Variants in FBXW11 observed in about 807,000 individuals in gnomAD.
FBXW11 encodes F-box/WD repeat-containing protein 11.
A neutral mutation model predicts 77.6 loss-of-function variants in FBXW11; 19 were observed. That is an observed-to-expected ratio of 0.24 (90% CI 0.17 to 0.36). FBXW11 has a LOEUF of 0.36. Among genes scored for constraint, FBXW11 ranks in the 10% least tolerant of loss-of-function variants. FBXW11 has a pLI of 1.00. For synonymous variants in FBXW11, 235 were observed against 249.4 expected (o/e 0.94, Z 0.54); for missense variants, 334 against 704.2 (o/e 0.47, Z 5.95).
chr5:171,939,323 A>C (rs1379860387), intron 2 of FBXW11, among the ~76,000 whole-genome samples: 1 of 152,222 alleles, frequency 6.6e-6, no homozygotes, highest in African/African-American at 2.4e-5. Context: ...ATCATACTTA[A>C]TGGAAGAGGG....
At chr5:171,982,137 TTAAAA>T (rs1435524125) in intron 1 of FBXW11, among the ~76,000 whole-genome samples, 2 of 152,206 alleles carry the variant, frequency 1.3e-5, no homozygotes, top group African/African-American at 4.8e-5. Flanking sequence ...AACAGTACAC[TTAAAA>T]TGAGTGGATT....
At chr5:171,988,654 G>A (rs1210161551) in intron 1 of FBXW11, among the ~76,000 whole-genome samples, 2 of 152,022 alleles carry the variant, frequency 1.3e-5, no homozygotes, top group African/African-American at 4.8e-5. Context: ...AGACCAGTCT[G>A]GCCAACATAG....
chr5:171,908,509 A>T (rs4868130), intron 4 of FBXW11, among the ~76,000 whole-genome samples: 4 of 152,092 alleles, frequency 2.6e-5, no homozygotes, highest in South Asian at 2.1e-4. Context: ...AACAGGACTA[A>T]GTGATGGCTA....
At chr5:171,958,649 T>A (rs1230370450) in intron 1 of FBXW11, among the ~76,000 whole-genome samples, 1 of 152,236 alleles carries the variant, frequency 6.6e-6, no homozygotes, top group Non-Finnish European at 1.5e-5. Flanking sequence ...AAGTAAAATA[T>A]AAAATGAACA....
At chr5:171,920,251 G>A (rs530541674) in intron 2 of FBXW11, among the ~76,000 whole-genome samples, 119 of 152,234 alleles carry the variant, frequency 7.8e-4, no homozygotes, top group Non-Finnish European at 8.8e-5. Context: ...TGGAAGTAGC[G>A]TAAGCTTCCA....
At chr5:171,877,866 C>T (rs1039672875) in intron 8 of FBXW11, 145 bp downstream of exon 8, 17 of 662,918 alleles carry the variant, frequency 2.6e-5, no homozygotes, top group Admixed American at 5.7e-5. Context: ...GCCTAATTTG[C>T]GCAAACATGT....
At position 171,899,035 on chromosome 5, in the gene FBXW11, G is replaced by T; in HGVS notation, c.683C>A (p.Ser228Ter). 1.2e-6 allele frequency: 2 copies of T among 1,607,854 alleles called. No individual in the cohort carries two copies. Among genetic ancestry groups the T allele is most frequent in the South Asian group, 2.2e-5 (2 of 89,978 alleles). Residue 228 changes from serine (S) to a stop codon, truncating the protein, a stop_gained, in exon 6 of 14, where the codon TCA becomes TAA. Coordinates refer to ENST00000517395, the MANE Select transcript of FBXW11 (RefSeq NM_001378974.1). LOFTEE classifies it high-confidence loss of function. Reference sequence around the variant, plus strand: ...ATCCTGGATAATCTTTGGGTATAATGACCTATAAAATGAATTTGGAGGGCC... The same window carrying T: ...ATCCTGGATAATCTTTGGGTATAATTACCTATAAAATGAATTTGGAGGGCC... ...TDGPPNSFYRSLYPKIIQDIE... is the reference protein window; with the variant it reads ...TDGPPNSFYR
In FBXW11 at chr5:171,934,747, T is replaced by TA. The variant is rs200848456; in HGVS notation, c.148-20343dup. 2.8e-5 allele frequency among the ~76,000 whole-genome samples: 4 copies of TA among 144,726 alleles called. No homozygotes were observed. The East Asian group carries it at 8.1e-4, about 29-fold the overall frequency. 94.9% of individuals were successfully genotyped at this position (144,726 alleles called of 152,430 possible). On this transcript the variant is annotated intron_variant, in intron 2 of 13. Coordinates refer to ENST00000517395, the MANE Select transcript of FBXW11 (RefSeq NM_001378974.1). ...CAAGCAAGAAAACAACCCAAGAGAA[T>TA]AAAAATGAGATGAAGAAATAAGCAA... is the stretch of plus-strand genomic sequence containing the variant.
intron 1 of FBXW11, among the ~76,000 whole-genome samples, chr5:171,980,144 G>A (rs915768452): frequency 3.9e-5 from 6 of 152,174 alleles, no homozygotes; most frequent in Non-Finnish European, 2.9e-5. Context: ...AAAGTATATT[G>A]ATTTCTTTAT....
At position 171,899,902 on chromosome 5, in the gene FBXW11, C is replaced by T. The variant is rs773039781; in HGVS notation, c.623+12G>A. 2 of 1,594,986 alleles carry T rather than the reference C, an allele frequency of 1.3e-6. No individual in the cohort carries two copies. Among genetic ancestry groups the T allele is most frequent in the South Asian group, 2.3e-5 (2 of 87,462 alleles). On this transcript the variant is annotated intron_variant, in intron 5 of 13. Coordinates refer to ENST00000517395, the MANE Select transcript of FBXW11 (RefSeq NM_001378974.1). The stretch of plus-strand genomic sequence containing the variant: ...AAATTTTTTCAAGGGAACAAGCAAC[C>T]CAAGTACTTACCACCCTCTTCTTTC...
At chr5:171,925,509 C>A (rs1761842851) in intron 2 of FBXW11, among the ~76,000 whole-genome samples, 1 of 152,178 alleles carries the variant, frequency 6.6e-6, no homozygotes, top group South Asian at 2.1e-4. Context: ...GAGACAAAGT[C>A]TTGTCCTGTC....
At chr5:171,871,253 G>C (rs899099796) in intron 10 of FBXW11, among the ~76,000 whole-genome samples, 4 of 152,204 alleles carry the variant, frequency 2.6e-5, no homozygotes, top group Admixed American at 2.0e-4. Context: ...CTCTTCTGGG[G>C]AGACAGGGAT....
chr5:171,936,704 A>T (rs1762502246), intron 2 of FBXW11, among the ~76,000 whole-genome samples: 2 of 152,154 alleles, frequency 1.3e-5, no homozygotes, highest in South Asian at 4.1e-4. Flanking sequence ...ACAGCTCAAG[A>T]AAACAAAAAA....
chr5:171,951,113 C>T (rs1399224445), intron 2 of FBXW11, among the ~76,000 whole-genome samples: 6 of 151,796 alleles, frequency 4.0e-5, no homozygotes, highest in Non-Finnish European at 8.8e-5. Context: ...TATTCCTTGA[C>T]CAAGCAATTA....
chr5:171,943,403 G>A (rs924301931), intron 2 of FBXW11, among the ~76,000 whole-genome samples: 1 of 152,152 alleles, frequency 6.6e-6, no homozygotes, highest in African/African-American at 2.4e-5. Flanking sequence ...CTGTTGTTAG[G>A]TGTTTGGACA....
chr5:171,925,172 T>C (rs1450749614), intron 2 of FBXW11, among the ~76,000 whole-genome samples: 1 of 152,184 alleles, frequency 6.6e-6, no homozygotes, highest in African/African-American at 2.4e-5. Context: ...CACATGCATA[T>C]ATATAAAAAT....
At chr5:171,886,946 G>A (rs1758940560) in intron 7 of FBXW11, among the ~76,000 whole-genome samples, 1 of 152,154 alleles carries the variant, frequency 6.6e-6, no homozygotes, top group Non-Finnish European at 1.5e-5. Flanking sequence ...TTGAACCCAG[G>A]AGGTGGAGGT....
chr5:171,941,077 T>C (rs569923168), intron 2 of FBXW11, among the ~76,000 whole-genome samples: 2 of 151,744 alleles, frequency 1.3e-5, no homozygotes, highest in Admixed American at 6.6e-5. Flanking sequence ...ATTTGTGGAG[T>C]TTCAAAGTAC....
chr5:171,939,470 G>A (rs1026301301), intron 2 of FBXW11, among the ~76,000 whole-genome samples: 2 of 152,012 alleles, frequency 1.3e-5, no homozygotes, highest in East Asian at 1.9e-4. Context: ...GCCAAGGCAG[G>A]CAGATCACTT....
Sources: allele counts gnomAD v4.1 joint callset (sites outside exome capture counted in the v4.1 genomes callset), GRCh38; gene constraint gnomAD v4.1.1; transcripts MANE v1.5; gene names NCBI Gene and HGNC (gene_info 2026-07-23, HGNC 2026-07-21).